The following LMBRD2 variants were observed in gnomAD, a reference collection of about 807,000 sequenced individuals.
LMBRD2 encodes LMBR1 domain containing 2.
Under a neutral mutation model 94.4 loss-of-function variants are expected in LMBRD2, and 55 were observed. The ratio of observed to expected loss-of-function variants is 0.58; its 90% CI spans 0.47 to 0.73. The LOEUF (loss-of-function observed/expected upper bound fraction) is 0.73. Ranked by LOEUF, LMBRD2 falls within the 30% of genes least tolerant of loss-of-function variation. LMBRD2 has a pLI of 0.00. For synonymous variants in LMBRD2, 246 were observed against 272.4 expected (o/e 0.90, Z 0.95); for missense variants, 640 against 831.9 (o/e 0.77, Z 2.84).
chr5:36,141,345 G>C (rs1188912501), intron 3 of LMBRD2, 143 bp from the exon 4 acceptor site: 1 of 466,132 alleles, frequency 2.1e-6, no homozygotes, highest in Non-Finnish European at 3.8e-6. Context: ...AAATTTCAAA[G>C]AAATTTTAAA....
At chr5:36,111,820 C>A (rs1055036299) in intron 13 of LMBRD2, among the ~76,000 whole-genome samples, 2 of 152,066 alleles carry the variant, frequency 1.3e-5, no homozygotes, top group Admixed American at 1.3e-4. Flanking sequence ...CAGATGCCTT[C>A]TTATTTAATT....
Position 36,100,579 on chromosome 5 carries a change from CA to C in LMBRD2, c.*3466del, listed in dbSNP as rs1743327121. 1 of 151,986 alleles carries C rather than the reference CA, an allele frequency of 6.6e-6. No individual in the cohort carries two copies. Among genetic ancestry groups the C allele is most frequent in the Non-Finnish European group, 1.5e-5 (1 of 67,938 alleles). The allele number at this position is 151,986 out of a possible 1,614,324, so 9.4% of individuals were successfully genotyped here. A position where few individuals can be genotyped will look rare whatever the true frequency, so the allele number is the denominator to read the frequency against. On this transcript the variant is annotated 3_prime_UTR_variant, in exon 18 of 18. Coordinates refer to ENST00000296603, the MANE Select transcript of LMBRD2 (RefSeq NM_001007527.2). ...GAGAGAGGACATAAGAAAAGAAAGA[CA>C]AAACCCTAAATCCACTTACTTCTTA...
intron 4 of LMBRD2, among the ~76,000 whole-genome samples, chr5:36,138,435 C>G (rs930834858): frequency 6.6e-6 from 1 of 152,054 alleles, no homozygotes; most frequent in Admixed American, 6.5e-5. Context: ...AATATGTGAG[C>G]AAAGAGAGAT....
intron 6 of LMBRD2, among the ~76,000 whole-genome samples, chr5:36,133,914 T>G (rs964714428): frequency 6.6e-6 from 1 of 152,134 alleles, no homozygotes; most frequent in Admixed American, 6.6e-5. Context: ...TTATTTTTTT[T>G]GCAGGAATGT....
chr5:36,120,083 G>A (rs1189386600), intron 9 of LMBRD2, among the ~76,000 whole-genome samples: 1 of 131,268 alleles, frequency 7.6e-6, no homozygotes, highest in African/African-American at 2.9e-5. Context: ...TTTTTTTGAC[G>A]GAGTCTCATT....
In LMBRD2 at chr5:36,136,342, T is replaced by C; in HGVS notation, c.714A>G (p.Ala238=). ...FKAAKLMTEK[A]DAEENLEDAM... Reference sequence around the variant, plus strand: ...CATCTTCCAAATTCTCTTCTGCATCTGCTTTCTCTGTCATCAGTTTGGCTG... The same window carrying C: ...CATCTTCCAAATTCTCTTCTGCATCCGCTTTCTCTGTCATCAGTTTGGCTG... The change falls in exon 6 of 18, where the codon GCA becomes GCG. Residue 238 remains alanine, a synonymous_variant. Coordinates refer to ENST00000296603, the MANE Select transcript of LMBRD2 (RefSeq NM_001007527.2). The C allele has an allele frequency of 6.2e-7, 1 of 1,614,108 alleles. No individual in the cohort carries two copies. Among genetic ancestry groups the C allele is most frequent in the Non-Finnish European group, 8.5e-7 (1 of 1,179,934 alleles).
chr5:36,126,562 T>TG (rs1419394678), intron 6 of LMBRD2, among the ~76,000 whole-genome samples: 3 of 152,214 alleles, frequency 2.0e-5, no homozygotes, highest in Non-Finnish European at 4.4e-5. Context: ...AAAAAGTAGC[T>TG]GTTTCTCCCT....
At position 36,100,909 on chromosome 5, in the gene LMBRD2, A is replaced by C. The variant is rs1743333831; in HGVS notation, c.*3137T>G. On this transcript the variant is annotated 3_prime_UTR_variant, in exon 18 of 18. Transcript: ENST00000296603. ...ATATGCTAAAATATACTTTTAAAAAACCACACACATTGACTTTCCTATGCT... is the reference window on the plus strand; with the variant it reads ...ATATGCTAAAATATACTTTTAAAAACCCACACACATTGACTTTCCTATGCT... 1 of 152,088 alleles carries C rather than the reference A, an allele frequency of 6.6e-6. No individual in the cohort carries two copies. Among genetic ancestry groups the C allele is most frequent in the Non-Finnish European group, 1.5e-5 (1 of 67,976 alleles). The allele number at this position is 152,088 out of a possible 1,614,324, so 9.4% of individuals were successfully genotyped here. A position where few individuals can be genotyped will look rare whatever the true frequency, so the allele number is the denominator to read the frequency against.
chr5:36,115,034 T>C lies in LMBRD2; in HGVS notation c.1523A>G (p.Gln508Arg), dbSNP rs764182777. 1.2e-6 allele frequency: 2 copies of C among 1,604,052 alleles called. No individual in the cohort carries two copies. Among genetic ancestry groups the C allele is most frequent in the Non-Finnish European group, 8.5e-7 (1 of 1,171,674 alleles). ...ACTTACAGATGTATAAGCAGTTGGT[T>C]GAGTATTCTTGTGAGAGATAGATGA... ...MDSSISHKNTQPTAYTSIMGS... is the reference protein window; with the variant it reads ...MDSSISHKNTRPTAYTSIMGS... The change falls in exon 12 of 18, where the codon CAA becomes CGA. Residue 508 changes from glutamine to arginine, a missense_variant. Around this residue, in one of 2 missense-constraint regions of LMBRD2, gnomAD observed 457 missense variants for 642.8 expected, o/e 0.71. Coordinates refer to ENST00000296603, the MANE Select transcript of LMBRD2 (RefSeq NM_001007527.2).
intron 6 of LMBRD2, among the ~76,000 whole-genome samples, chr5:36,135,262 T>C (rs1264683672): frequency 6.6e-6 from 1 of 152,188 alleles, no homozygotes; most frequent in Non-Finnish European, 1.5e-5. Context: ...ATTTATAGAA[T>C]GGGGATTTAC....
chr5:36,112,330 C>T (rs1743630583), intron 13 of LMBRD2, among the ~76,000 whole-genome samples: 1 of 152,044 alleles, frequency 6.6e-6, no homozygotes. Context: ...AGAATTAGAT[C>T]ACTGTCTCTG....
At chr5:36,144,836 A>G (rs1042145108) in intron 1 of LMBRD2, among the ~76,000 whole-genome samples, 1 of 152,222 alleles carries the variant, frequency 6.6e-6, no homozygotes, top group Admixed American at 6.5e-5. Context: ...ATACTCCTAC[A>G]TGAACTATCA....
At chr5:36,117,605 G>A (rs1357323037) in intron 10 of LMBRD2, 130 bp downstream of exon 10, 1 of 548,314 alleles carries the variant, frequency 1.8e-6, no homozygotes, top group Admixed American at 3.9e-5. Context: ...CACATTTCTG[G>A]AAGTTTGAAT....
chr5:36,117,893 G>A lies in LMBRD2; in HGVS notation c.1144C>T (p.Arg382Ter), dbSNP rs929608200. The A allele has an allele frequency of 2.5e-6, 4 of 1,609,794 alleles. No individual in the cohort carries two copies. The highest frequency in any genetic ancestry group is 1.7e-6 in the Non-Finnish European group (2 of 1,178,500). Residue 382 changes from arginine to a stop codon, truncating the protein, a stop_gained, in exon 10 of 18, where the codon CGA (arginine) becomes TGA (stop). Coordinates refer to ENST00000296603, the MANE Select transcript of LMBRD2 (RefSeq NM_001007527.2). LOFTEE classifies it high-confidence loss of function. Reference sequence around the variant, plus strand: ...GCAAGTATCTTGTAAAACCATGGTCGCAAAAGACATTCCCAGTACCATTCT... The same window carrying A: ...GCAAGTATCTTGTAAAACCATGGTCACAAAAGACATTCCCAGTACCATTCT... Reference protein sequence around the residue: ...TFEWYWECLLRPWFYKILAVV... With the variant: ...TFEWYWECLL
chr5:36,131,563 T>C (rs978231332), intron 6 of LMBRD2, among the ~76,000 whole-genome samples: 2 of 152,076 alleles, frequency 1.3e-5, no homozygotes, highest in South Asian at 4.1e-4. Context: ...TTTCAGGTGA[T>C]AAATCTCACA....
At chr5:36,128,877 C>T (rs1455389589) in intron 6 of LMBRD2, among the ~76,000 whole-genome samples, 2 of 152,124 alleles carry the variant, frequency 1.3e-5, no homozygotes, top group East Asian at 3.8e-4. Flanking sequence ...AGAATCATAT[C>T]AGGTAAATTT....
Position 36,116,591 on chromosome 5 carries a change from A to C in LMBRD2, c.1305T>G (p.Ile435Met). Residue 435 changes from isoleucine to methionine, a missense_variant and splice_region_variant, in exon 11 of 18, where the codon ATT becomes ATG. By Grantham distance (10) the Ile-to-Met change is conservative. Transcript: ENST00000296603. ...GGAAGAAGATGGAAAGGAAGCAGGC[A>C]ATCTGGAAAAAAACAAAAACAAAGC... ...EKTYNYIYIE[I>M]ACFLSIFFLS... 6.2e-7 allele frequency: 1 copy of C among 1,610,272 alleles called. No individual in the cohort carries two copies. The highest frequency in any genetic ancestry group is 1.7e-4 in the Middle Eastern group (1 of 6,056).
chr5:36,142,727 TTTTTTC>T, intron 2 of LMBRD2, 128 bp from the exon 3 acceptor site: 2 of 562,016 alleles, frequency 3.6e-6, no homozygotes, highest in East Asian at 6.2e-5. Flanking sequence ...TTTTTTTTTT[TTTTTTC>T]TTTTTGTGTG....
intron 13 of LMBRD2, among the ~76,000 whole-genome samples, chr5:36,112,952 T>C (rs1181565333): frequency 6.6e-6 from 1 of 152,206 alleles, no homozygotes; most frequent in Non-Finnish European, 1.5e-5. Context: ...ACACTGTAGA[T>C]CTGTTACTGT....
Sources: gnomAD v4.1 joint callset for allele counts (sites outside exome capture counted in the v4.1 genomes callset) on GRCh38, gnomAD v4.1.1 for gene constraint, gnomAD v4.1.1 regional missense constraint, MANE v1.5 for transcripts, NCBI Gene and HGNC (gene_info 2026-07-23, HGNC 2026-07-21) for gene names.